EEPD1: variants seen among roughly 807,000 people sequenced by gnomAD.
EEPD1 encodes the protein endonuclease/exonuclease/phosphatase family domain-containing protein 1.
Under a neutral mutation model 46.3 loss-of-function variants are expected in EEPD1, and 17 were observed. The ratio of observed to expected loss-of-function variants is 0.37; its 90% CI spans 0.25 to 0.55. EEPD1 has a LOEUF of 0.55. Among genes scored for constraint, EEPD1 ranks in the 20% least tolerant of loss-of-function variants. The pLI, the probability that EEPD1 is intolerant of heterozygous loss-of-function variation, is 0.83. For missense variants in EEPD1, 673 were observed against 745.6 expected, an observed-to-expected ratio of 0.90 and a Z score of 1.13; for synonymous variants, 313 against 315.6, an observed-to-expected ratio of 0.99 and a Z score of 0.09.
At chr7:36,279,774 C>A (rs1787233035) in intron 3 of EEPD1, among the ~76,000 whole-genome samples, 1 of 152,218 alleles carries the variant, frequency 6.6e-6, no homozygotes, top group Non-Finnish European at 1.5e-5. Flanking sequence ...TCCAGTAGGT[C>A]TAGGATTTCT....
chr7:36,206,835 G>A (rs73338936), intron 2 of EEPD1, among the ~76,000 whole-genome samples: 17 of 152,218 alleles, frequency 1.1e-4, no homozygotes, highest in African/African-American at 3.9e-4. Context: ...AATCAGCTGA[G>A]GCCAGCAGTT....
intron 3 of EEPD1, among the ~76,000 whole-genome samples, chr7:36,260,271 G>A (rs746130563): frequency 3.3e-5 from 5 of 152,184 alleles, no homozygotes; most frequent in South Asian, 2.1e-4. Context: ...CTCAGTTTTT[G>A]TATGGGAATG....
intron 2 of EEPD1, among the ~76,000 whole-genome samples, chr7:36,163,408 A>G (rs1326504098): frequency 6.6e-6 from 1 of 152,176 alleles, no homozygotes; most frequent in Non-Finnish European, 1.5e-5. Context: ...AGGTTGTGCT[A>G]GAACAAAAAC....
At chr7:36,175,631 G>A (rs571699939) in intron 2 of EEPD1, among the ~76,000 whole-genome samples, 10 of 152,114 alleles carry the variant, frequency 6.6e-5, no homozygotes, top group South Asian at 2.1e-4. Context: ...TTTGTAGGAC[G>A]TTTAGTGAAT....
chr7:36,188,535 C>T lies in EEPD1; in HGVS notation c.878+33333C>T, dbSNP rs58881846. Among the ~76,000 whole-genome samples, 5 of 152,282 alleles carry T rather than the reference C, an allele frequency of 3.3e-5. No homozygotes were observed. The South Asian group carries it at 1.0e-3, about 32-fold the overall frequency. ...CGGCGCTGTGACCAACGGAGATACACAGGCTGGGTGGGTCCTGCAGGGATT... is the reference window on the plus strand; with the variant it reads ...CGGCGCTGTGACCAACGGAGATACATAGGCTGGGTGGGTCCTGCAGGGATT... On this transcript the variant is annotated intron_variant, in intron 2 of 7. Transcript: ENST00000242108.
chr7:36,217,778 G>C (rs1786055287), intron 2 of EEPD1, among the ~76,000 whole-genome samples: 1 of 152,198 alleles, frequency 6.6e-6, no homozygotes, highest in Non-Finnish European at 1.5e-5. Context: ...TTACTGATTA[G>C]AGAGGCCATG....
intron 2 of EEPD1, among the ~76,000 whole-genome samples, chr7:36,199,705 T>C (rs370310064): frequency 6.6e-6 from 1 of 152,144 alleles, no homozygotes; most frequent in African/African-American, 2.4e-5. Context: ...TAAGACCTCT[T>C]GCTTTACCCC....
chr7:36,268,867 A>T (rs193018932), intron 3 of EEPD1, among the ~76,000 whole-genome samples: 1 of 152,368 alleles, frequency 6.6e-6, no homozygotes, highest in East Asian at 1.9e-4. Flanking sequence ...CACAGAATAC[A>T]TGAGTCATTT....
At chr7:36,252,691 G>A (rs541286367) in intron 3 of EEPD1, among the ~76,000 whole-genome samples, 197 of 152,238 alleles carry the variant, frequency 1.3e-3, no homozygotes, top group African/African-American at 4.6e-3. Flanking sequence ...AGCTTCAGCC[G>A]CTGAGAGGAG....
intron 2 of EEPD1, among the ~76,000 whole-genome samples, chr7:36,169,523 G>T (rs563895451): frequency 6.6e-6 from 1 of 152,264 alleles, no homozygotes; most frequent in East Asian, 1.9e-4. Flanking sequence ...TTGGTTATTT[G>T]TATATCTTCT....
At chr7:36,293,166 C>A (rs1787474234) in intron 6 of EEPD1, among the ~76,000 whole-genome samples, 1 of 151,818 alleles carries the variant, frequency 6.6e-6, no homozygotes, top group African/African-American at 2.4e-5. Flanking sequence ...TAATAAAAAT[C>A]AAAAATATAA....
intron 2 of EEPD1, among the ~76,000 whole-genome samples, chr7:36,201,660 C>G (rs1785714161): frequency 6.6e-6 from 1 of 152,186 alleles, no homozygotes; most frequent in African/African-American, 2.4e-5. Context: ...GCCTCCCCAG[C>G]TGTAAACCAT....
chr7:36,177,041 CACTCTGGCACAAGGA>C (rs1012100420), intron 2 of EEPD1, among the ~76,000 whole-genome samples: 2 of 152,206 alleles, frequency 1.3e-5, no homozygotes, highest in African/African-American at 4.8e-5. Context: ...GGATTGACTG[CACTCTGGCACAAGGA>C]AAATGTTTTG....
intron 3 of EEPD1, among the ~76,000 whole-genome samples, chr7:36,247,402 A>G (rs1016042199): frequency 6.6e-6 from 1 of 152,222 alleles, no homozygotes; most frequent in African/African-American, 2.4e-5. Context: ...GTTATTCACT[A>G]TGATTTGGAC....
Position 36,155,192 on chromosome 7 carries a change from C to T in EEPD1, c.868C>T (p.Leu290=), listed in dbSNP as rs753963666. 11 of 1,512,200 alleles carry T rather than the reference C, an allele frequency of 7.3e-6. No homozygotes were observed. The highest frequency in any genetic ancestry group is 2.7e-5 in the South Asian group (2 of 74,646). 93.7% of individuals were successfully genotyped at this position (1,512,200 alleles called of 1,614,324 possible). Residue 290 remains leucine, a synonymous_variant, in exon 2 of 8, where the codon CTG becomes TTG. Coordinates refer to ENST00000242108, the MANE Select transcript of EEPD1 (RefSeq NM_030636.3). ...GVREVVCMTL[L]ENSIKLLAVQ... ...GCGAGAGGTGGTGTGCATGACACTC[C>T]TGGAAAACAGGTGAGGACAGGAACC...
chr7:36,268,381 G>T (rs904034797), intron 3 of EEPD1, among the ~76,000 whole-genome samples: 1 of 151,992 alleles, frequency 6.6e-6, no homozygotes, highest in African/African-American at 2.4e-5. Flanking sequence ...GGCTGGTCTC[G>T]AACTCCTGAC....
chr7:36,192,854 C>G (rs1051325045), intron 2 of EEPD1, among the ~76,000 whole-genome samples: 1 of 152,234 alleles, frequency 6.6e-6, no homozygotes, highest in Non-Finnish European at 1.5e-5. Flanking sequence ...TGTCTTCTGT[C>G]CTTGGCTCCA....
At position 36,297,047 on chromosome 7, in the gene EEPD1, A is replaced by T; in HGVS notation, c.1370A>T (p.Asp457Val). Residue 457 changes from aspartate to valine, a missense_variant, in exon 7 of 8, where the codon GAC becomes GTC. Transcript: ENST00000242108. ...TTTGGCCAAGGGCCAGACAGCAATGACTATGATATCCTGAGGAAAGAAAAG... is the reference window on the plus strand; with the variant it reads ...TTTGGCCAAGGGCCAGACAGCAATGTCTATGATATCCTGAGGAAAGAAAAG... The part of the protein sequence containing the change: ...GDFGQGPDSN[D>V]YDILRKEKFH... 1 of 1,614,244 alleles carries T rather than the reference A, an allele frequency of 6.2e-7. No homozygotes were observed. Among genetic ancestry groups the T allele is most frequent in the Non-Finnish European group, 8.5e-7 (1 of 1,180,036 alleles).
chr7:36,286,710 G>A lies in EEPD1; in HGVS notation c.1177-929G>A, dbSNP rs115490505. Among the ~76,000 whole-genome samples the A allele has an allele frequency of 3.9e-3, 589 of 152,308 alleles. 5 individuals are homozygous for A. The highest frequency in any genetic ancestry group is 0.013 in the African/African-American group (543 of 41,562). On this transcript the variant is annotated intron_variant, in intron 5 of 7. Transcript: ENST00000242108. ...CAGAGAGAAAAGAACACAGAGGAGC[G>A]TGTGTGGGAGGTGTAGGGAGGAGGA... is the stretch of plus-strand genomic sequence containing the variant.
Sources: gnomAD v4.1 joint callset for allele counts (sites outside exome capture counted in the v4.1 genomes callset) on GRCh38, gnomAD v4.1.1 for gene constraint, MANE v1.5 for transcripts, NCBI Gene and HGNC (gene_info 2026-07-23, HGNC 2026-07-21) for gene names.